STPG2: variants seen among roughly 807,000 people sequenced by gnomAD.
STPG2 encodes the protein sperm tail PG-rich repeat containing 2, also known as sperm-tail PG-rich repeat-containing protein 2.
In STPG2, 56 loss-of-function variants were observed where a neutral mutation model predicts 54.2. That is an observed-to-expected ratio of 1.03 (90% CI 0.83 to 1.29). The LOEUF is 1.29. Ranked by LOEUF, STPG2 falls within the 50% of genes most tolerant of loss-of-function variation. The pLI is 0.00. For missense variants in STPG2, 596 were observed against 544.9 expected (o/e 1.09, Z -0.93); for synonymous variants, 200 against 181.8 (o/e 1.10, Z -0.81).
chr4:97,626,138 T>C (rs1734133010), intron 10 of STPG2, among the ~76,000 whole-genome samples: 1 of 152,200 alleles, frequency 6.6e-6, no homozygotes, highest in South Asian at 2.1e-4. Context: ...TTTACATGTG[T>C]CTTAATATAA....
chr4:98,044,833 C>T (rs1195202956), intron 5 of STPG2, among the ~76,000 whole-genome samples: 1 of 152,156 alleles, frequency 6.6e-6, no homozygotes, highest in Non-Finnish European at 1.5e-5. Context: ...TCTAATCAAA[C>T]TAATTTTTCA....
At chr4:97,697,925 T>C (rs898703956) in intron 10 of STPG2, among the ~76,000 whole-genome samples, 1 of 152,226 alleles carries the variant, frequency 6.6e-6, no homozygotes, top group African/African-American at 2.4e-5. Flanking sequence ...TGCTTTTAGT[T>C]AATCTATAAT....
At chr4:97,709,577 T>G (rs1436014615) in intron 10 of STPG2, among the ~76,000 whole-genome samples, 1 of 151,648 alleles carries the variant, frequency 6.6e-6, no homozygotes, top group African/African-American at 2.4e-5. Flanking sequence ...TTTTCTAATA[T>G]TTAAAGGATT....
intron 10 of STPG2, among the ~76,000 whole-genome samples, chr4:97,700,288 G>A (rs915132219): frequency 3.9e-5 from 6 of 152,298 alleles, no homozygotes; most frequent in South Asian, 2.1e-4. Context: ...ACCTGTTACA[G>A]AACCTTCTCC....
chr4:97,701,171 T>C (rs34994739), intron 10 of STPG2, among the ~76,000 whole-genome samples: 2,164 of 152,224 alleles, frequency 0.014, 25 homozygotes, highest in Non-Finnish European at 0.022. Context: ...CCCACCATAG[T>C]AGCCCTCACC....
intron 10 of STPG2, among the ~76,000 whole-genome samples, chr4:97,654,834 TGTG>T (rs1454261745): frequency 6.6e-6 from 1 of 152,032 alleles, no homozygotes; most frequent in Admixed American, 6.6e-5. Context: ...AATCAAATGA[TGTG>T]GTATATATAA....
chr4:97,855,136 T>C (rs1729293652), intron 8 of STPG2, among the ~76,000 whole-genome samples: 1 of 152,226 alleles, frequency 6.6e-6, no homozygotes, highest in South Asian at 2.1e-4. Context: ...CCACATTTTC[T>C]TTATCTAGTC....
chr4:97,516,543 C>T (rs566524563), intron 4 of STPG2, among the ~76,000 whole-genome samples: 9 of 152,158 alleles, frequency 5.9e-5, no homozygotes, highest in African/African-American at 2.2e-4. Context: ...AAATTATAGG[C>T]CATGTGCTGT....
intron 5 of STPG2, among the ~76,000 whole-genome samples, chr4:98,075,556 CT>C (rs1319522689): frequency 6.6e-6 from 1 of 152,148 alleles, no homozygotes; most frequent in Non-Finnish European, 1.5e-5. Flanking sequence ...ATCTTTATCC[CT>C]TAAGTCTTAT....
At chr4:97,466,475 G>A (rs1389184615) in intron 4 of STPG2, among the ~76,000 whole-genome samples, 2 of 152,020 alleles carry the variant, frequency 1.3e-5, no homozygotes, top group African/African-American at 2.4e-5. Context: ...TCCATTAATG[G>A]AAGTGAGCAG....
intron 5 of STPG2, among the ~76,000 whole-genome samples, chr4:98,030,320 G>A (rs1736555389): frequency 6.6e-6 from 1 of 152,104 alleles, no homozygotes. Context: ...ATAGAGATGT[G>A]ATAACTATCT....
chr4:97,804,807 T>G (rs1323413884), intron 9 of STPG2, among the ~76,000 whole-genome samples: 4 of 152,204 alleles, frequency 2.6e-5, no homozygotes, highest in Non-Finnish European at 5.9e-5. Context: ...ATTTTTACAG[T>G]ATCTTTTCTG....
At chr4:97,462,099 C>G (rs554613563) in intron 4 of STPG2, among the ~76,000 whole-genome samples, 2 of 152,038 alleles carry the variant, frequency 1.3e-5, no homozygotes, top group Admixed American at 1.3e-4. Flanking sequence ...ATCAACAACA[C>G]ATCTGGAATC....
intron 5 of STPG2, among the ~76,000 whole-genome samples, chr4:97,983,479 T>C (rs1265129380): frequency 6.6e-6 from 1 of 152,190 alleles, no homozygotes; most frequent in Non-Finnish European, 1.5e-5. Flanking sequence ...TAGTTATCTA[T>C]TTATTATCCA....
chr4:97,789,906 T>G (rs1357559941), intron 9 of STPG2, among the ~76,000 whole-genome samples: 6 of 152,088 alleles, frequency 3.9e-5, no homozygotes, highest in African/African-American at 1.4e-4. Context: ...TTCTTTTTAG[T>G]CTTCTCTCCT....
At chr4:97,945,238 G>T (rs1265355229) in intron 7 of STPG2, among the ~76,000 whole-genome samples, 2 of 151,738 alleles carry the variant, frequency 1.3e-5, no homozygotes, top group African/African-American at 4.8e-5. Flanking sequence ...AGTCTCCAAA[G>T]TCCATTATAT....
intron 2 of STPG2, among the ~76,000 whole-genome samples, chr4:98,131,584 T>C (rs892417767): frequency 6.6e-6 from 1 of 152,140 alleles, no homozygotes; most frequent in African/African-American, 2.4e-5. Flanking sequence ...TAAAATGTAA[T>C]ATGAGCTACA....
At chr4:97,840,546 C>T (rs1319957143) in intron 9 of STPG2, among the ~76,000 whole-genome samples, 1 of 151,600 alleles carries the variant, frequency 6.6e-6, no homozygotes, top group Non-Finnish European at 1.5e-5. Context: ...GATGGTTTCT[C>T]GGAAACTGCA....
Position 98,109,176 on chromosome 4 carries a change from T to A in STPG2, c.500+17A>T. 5 of 1,430,568 alleles carry A rather than the reference T, an allele frequency of 3.5e-6. No homozygotes were observed. Among genetic ancestry groups the A allele is most frequent in the Non-Finnish European group, 4.8e-6 (5 of 1,042,718 alleles). The allele number at this position is 1,430,568 out of a possible 1,614,324, so 88.6% of individuals were successfully genotyped here. A position where few individuals can be genotyped will look rare whatever the true frequency, so the allele number is the denominator to read the frequency against. Reference sequence around the variant, plus strand: ...GTCAAGAGCTACATTAAAGGTATACTATATTTTTTTACTTACTGGACTATA... The same window carrying A: ...GTCAAGAGCTACATTAAAGGTATACAATATTTTTTTACTTACTGGACTATA... On this transcript the variant is annotated intron_variant, in intron 4 of 10. Transcript: ENST00000295268.
Sources: allele counts gnomAD v4.1 joint callset (sites outside exome capture counted in the v4.1 genomes callset), GRCh38; gene constraint gnomAD v4.1.1; transcripts MANE v1.5; gene names NCBI Gene and HGNC (gene_info 2026-07-23, HGNC 2026-07-21).